CACNA2D2: variants seen among roughly 807,000 people sequenced by gnomAD.
The protein encoded by CACNA2D2 is calcium voltage-gated channel auxiliary subunit alpha2delta 2.
CACNA2D2 carries 48 observed loss-of-function variants against 166.4 expected under a neutral mutation model. That is an observed-to-expected ratio of 0.29 (90% CI 0.23 to 0.37). The LOEUF is 0.37. CACNA2D2 is among the 10% of genes least tolerant of loss of function. CACNA2D2 has a pLI of 1.00. For synonymous variants in CACNA2D2, 561 were observed against 573.7 expected (o/e 0.98, Z 0.32); for missense variants, 1,122 against 1,433.0 (o/e 0.78, Z 3.50).
intron 1 of CACNA2D2, among the ~76,000 whole-genome samples, chr3:50,491,610 G>T (rs1233117250): frequency 6.6e-6 from 1 of 152,218 alleles, no homozygotes; most frequent in African/African-American, 2.4e-5. Context: ...AGTGAGTTCA[G>T]ACTGCCCTGC....
intron 1 of CACNA2D2, among the ~76,000 whole-genome samples, chr3:50,493,271 G>A (rs923961513): frequency 1.3e-5 from 2 of 152,140 alleles, no homozygotes; most frequent in African/African-American, 4.8e-5. Context: ...CTGATTAGCC[G>A]GAACCAATCA....
chr3:50,456,557 G>C (rs55925517), intron 2 of CACNA2D2, among the ~76,000 whole-genome samples: 5 of 152,274 alleles, frequency 3.3e-5, no homozygotes, highest in African/African-American at 1.2e-4. Flanking sequence ...CGAGAGATTG[G>C]CCGAGGCAGT....
chr3:50,381,839 C>G (rs1265482469), intron 6 of CACNA2D2, among the ~76,000 whole-genome samples: 2 of 152,078 alleles, frequency 1.3e-5, no homozygotes, highest in African/African-American at 2.4e-5. Context: ...AGGGCACACA[C>G]GTTCATGCCT....
chr3:50,489,639 G>A (rs1037600540), intron 1 of CACNA2D2, among the ~76,000 whole-genome samples: 2 of 152,078 alleles, frequency 1.3e-5, no homozygotes, highest in Non-Finnish European at 2.9e-5. Context: ...CTGGGGCTGG[G>A]GCTGGGGCTG....
At chr3:50,499,945 G>A (rs1388805303) in intron 1 of CACNA2D2, among the ~76,000 whole-genome samples, 5 of 152,184 alleles carry the variant, frequency 3.3e-5, no homozygotes, top group Non-Finnish European at 4.4e-5. Flanking sequence ...TCTGCATCTC[G>A]GTGACAGCAG....
chr3:50,447,073 A>G (rs1238428196), intron 2 of CACNA2D2, among the ~76,000 whole-genome samples: 1 of 152,126 alleles, frequency 6.6e-6, no homozygotes, highest in Admixed American at 6.5e-5. Context: ...GCCAAAACAG[A>G]TTGTGTACCT....
At chr3:50,468,479 C>CCAAGATGGAAGGATTGAGCGGCCCT (rs1221520807) in intron 2 of CACNA2D2, among the ~76,000 whole-genome samples, 1 of 144,084 alleles carries the variant, frequency 6.9e-6, no homozygotes, top group Non-Finnish European at 1.5e-5. Flanking sequence ...TTGCTGATCC[C>CCAAGATGGAAGGATTGAGCGGCCCT]CAAGATGGAA....
chr3:50,391,738 G>T (rs1205658078), intron 4 of CACNA2D2, among the ~76,000 whole-genome samples: 1 of 152,216 alleles, frequency 6.6e-6, no homozygotes, highest in African/African-American at 2.4e-5. Context: ...TTCCTCAGAG[G>T]TTTGCATCTG....
At position 50,365,759 on chromosome 3, in the gene CACNA2D2, C is replaced by A. The variant is rs1235406827; in HGVS notation, c.2915+51G>T. Reference sequence around the variant, plus strand: ...TGCCATGCCCTACTTCTCTTCTGAGCCCTCCCGGCCAGGGAGCACCTTCTC... The same window carrying A: ...TGCCATGCCCTACTTCTCTTCTGAGACCTCCCGGCCAGGGAGCACCTTCTC... On this transcript the variant is annotated intron_variant, in intron 33 of 37. Coordinates refer to ENST00000424201, the MANE Select transcript of CACNA2D2 (RefSeq NM_006030.4). The surrounding 1 kb of genome is among the most constrained non-coding windows in gnomAD (Gnocchi z 4.5). 6.2e-7 allele frequency: 1 copy of A among 1,611,132 alleles called. No individual in the cohort carries two copies. Among genetic ancestry groups the A allele is most frequent in the Non-Finnish European group, 8.5e-7 (1 of 1,178,858 alleles).
At chr3:50,488,262 C>T (rs1244850075) in intron 1 of CACNA2D2, among the ~76,000 whole-genome samples, 1 of 152,214 alleles carries the variant, frequency 6.6e-6, no homozygotes, top group Non-Finnish European at 1.5e-5. Flanking sequence ...TTCCTACCCT[C>T]AAGTACATGG....
At position 50,380,103 on chromosome 3, in the gene CACNA2D2, C is replaced by G. The variant is rs1034626681; in HGVS notation, c.843-85G>C. The G allele has an allele frequency of 2.2e-6, 3 of 1,394,210 alleles. No homozygotes were observed. The highest frequency in any genetic ancestry group is 3.0e-6 in the Non-Finnish European group (3 of 984,808). 86.4% of individuals were successfully genotyped at this position (1,394,210 alleles called of 1,614,324 possible). ...CCTTCACATACATATTGATTCAATA[C>G]ATTTCTCTTGAGCATGCACTGTGTG... On this transcript the variant is annotated intron_variant, in intron 8 of 37. Coordinates refer to ENST00000424201, the MANE Select transcript of CACNA2D2 (RefSeq NM_006030.4). The surrounding 1 kb of genome is among the most constrained non-coding windows in gnomAD (Gnocchi z 4.9).
chr3:50,406,325 G>GA (rs1706707635), intron 3 of CACNA2D2, among the ~76,000 whole-genome samples: 2 of 151,666 alleles, frequency 1.3e-5, no homozygotes, highest in Admixed American at 1.3e-4. Flanking sequence ...GAGGTTAAAA[G>GA]AAAAAAAGCA....
chr3:50,496,402 A>G (rs1226345447), intron 1 of CACNA2D2, among the ~76,000 whole-genome samples: 1 of 152,272 alleles, frequency 6.6e-6, no homozygotes, highest in African/African-American at 2.4e-5. Flanking sequence ...ACACATGCAC[A>G]CATACATGAA....
intron 2 of CACNA2D2, among the ~76,000 whole-genome samples, chr3:50,453,137 C>T (rs1709186445): frequency 6.6e-6 from 1 of 152,190 alleles, no homozygotes; most frequent in South Asian, 2.1e-4. Flanking sequence ...CCAGCCTCTC[C>T]TCTCTTCCCC....
At chr3:50,406,148 G>A (rs888546784) in intron 3 of CACNA2D2, among the ~76,000 whole-genome samples, 6 of 151,774 alleles carry the variant, frequency 4.0e-5, no homozygotes, top group African/African-American at 7.2e-5. Flanking sequence ...CCAGGTGACC[G>A]CTAATGAAAT....
intron 4 of CACNA2D2, among the ~76,000 whole-genome samples, chr3:50,390,798 A>G (rs1559903108): frequency 6.6e-6 from 1 of 152,160 alleles, no homozygotes; most frequent in Non-Finnish European, 1.5e-5. Flanking sequence ...GTCTCAGGGA[A>G]CAAGCTGAGG....
At chr3:50,466,211 A>C (rs1709820570) in intron 2 of CACNA2D2, among the ~76,000 whole-genome samples, 1 of 152,062 alleles carries the variant, frequency 6.6e-6, no homozygotes, top group Non-Finnish European at 1.5e-5. Context: ...GCTGCTGAGC[A>C]GTGTCAGACA....
intron 22 of CACNA2D2, among the ~76,000 whole-genome samples, 169 bp from the exon 23 acceptor site, chr3:50,370,549 C>CGG (rs1704601878): frequency 6.6e-6 from 1 of 151,660 alleles, no homozygotes; most frequent in Non-Finnish European, 1.5e-5. Context: ...AGAGAAGGGA[C>CGG]GGGCAGGGAG....
rs879341559 is a variant in CACNA2D2 at position 50,462,430 on chromosome 3, A to AATAATAATG, written c.288+13687_288+13688insCATTATTAT. Among the ~76,000 whole-genome samples, 730 of 141,898 alleles carry AATAATAATG rather than the reference A, an allele frequency of 5.1e-3. 7 individuals carry two copies. The highest frequency in any genetic ancestry group is 0.016 in the African/African-American group (582 of 37,394). 93.1% of individuals were successfully genotyped at this position (141,898 alleles called of 152,430 possible). A position where few individuals can be genotyped will look rare whatever the true frequency, so the allele number is the denominator to read the frequency against. On this transcript the variant is annotated intron_variant, in intron 2 of 37. Transcript: ENST00000424201. ...TAATAATAATAATAATAATAATAAT[A>AATAATAATG]ATGATAATAATAATAAAACTAACAA...
Sources: allele counts gnomAD v4.1 joint callset (sites outside exome capture counted in the v4.1 genomes callset), GRCh38; gene constraint gnomAD v4.1.1; non-coding constraint Gnocchi (gnomAD v3.1); transcripts MANE v1.5; gene names NCBI Gene and HGNC (gene_info 2026-07-23, HGNC 2026-07-21).